Variants in EPHA7 observed in about 807,000 individuals in gnomAD.
EPHA7 encodes the protein EPH receptor A7, also known as ephrin type-A receptor 7.
Under a neutral mutation model 112.6 loss-of-function variants are expected in EPHA7, and 25 were observed. That is an observed-to-expected ratio of 0.22 (90% confidence interval 0.16 to 0.31). The LOEUF is 0.31. Ranked by LOEUF, EPHA7 falls within the 10% of genes least tolerant of loss-of-function variation. The probability of loss-of-function intolerance (pLI) is 1.00; values close to 1 mark genes in which losing one functional copy is unlikely to be tolerated. For synonymous variants in EPHA7, 437 were observed against 406.5 expected (o/e 1.07, Z -0.90); for missense variants, 962 against 1,212.6 (o/e 0.79, Z 3.07).
At chr6:93,264,529 G>A (rs1770836707) in intron 8 of EPHA7, 65 bp downstream of exon 8, 16 of 1,026,562 alleles carry the variant, frequency 1.6e-5, no homozygotes, top group Non-Finnish European at 2.2e-5. Flanking sequence ...CTAAGTAATA[G>A]GCTGACATAA....
chr6:93,259,379 A>G lies in EPHA7; in HGVS notation c.1899T>C (p.Ile633=), dbSNP rs767879014. ...QFAKELDASC[I]KIERVIGAGE... Reference sequence around the variant, plus strand: ...CTGCACCAATCACACGCTCAATTTTAATACAGGAGGCATCTAGCTCCTTGG... The same window carrying G: ...CTGCACCAATCACACGCTCAATTTTGATACAGGAGGCATCTAGCTCCTTGG... The change falls in exon 10 of 17, where the codon ATT becomes ATC. Residue 633 remains isoleucine (I), a synonymous_variant. Coordinates refer to ENST00000369303, the MANE Select transcript of EPHA7 (RefSeq NM_004440.4). 2.5e-6 allele frequency: 4 copies of G among 1,612,064 alleles called. No homozygotes were observed. Among genetic ancestry groups the G allele is most frequent in the Non-Finnish European group, 3.4e-6 (4 of 1,178,502 alleles).
At chr6:93,263,667 A>G (rs989535756) in intron 9 of EPHA7, among the ~76,000 whole-genome samples, 193 bp downstream of exon 9, 2 of 151,454 alleles carry the variant, frequency 1.3e-5, no homozygotes, top group Non-Finnish European at 3.0e-5. Context: ...ATTTCTGAAC[A>G]TATTTTATTT....
chr6:93,329,206 A>G (rs1000879751), intron 5 of EPHA7, among the ~76,000 whole-genome samples: 37 of 151,442 alleles, frequency 2.4e-4, no homozygotes, highest in African/African-American at 8.7e-4. Context: ...GTAATAATAT[A>G]AGTAATACAC....
chr6:93,392,827 A>G (rs1777978459), intron 3 of EPHA7, among the ~76,000 whole-genome samples: 1 of 151,872 alleles, frequency 6.6e-6, no homozygotes. Context: ...ATTTTGATAT[A>G]TTTTTCAGAC....
At position 93,243,449 on chromosome 6, in the gene EPHA7, G is replaced by A; in HGVS notation, c.2974C>T (p.His992Tyr). ...TATCACACTTGAATGCCAGTTCCAT[G>A]TAAATGTAGCATTTGTGCTCTCATA... The part of the protein sequence containing the change: ...QTMRAQMLHL[H>Y]GTGIQV The change falls in exon 17 of 17, where the codon CAT becomes TAT. Residue 992 changes from histidine to tyrosine, a missense_variant. Around this residue, in one of 3 missense-constraint regions of EPHA7, gnomAD observed 746 missense variants for 889.2 expected, o/e 0.84. Coordinates refer to ENST00000369303, the MANE Select transcript of EPHA7 (RefSeq NM_004440.4). 6.2e-7 allele frequency: 1 copy of A among 1,613,228 alleles called. No homozygotes were observed.
Position 93,415,523 on chromosome 6 carries a change from G to T in EPHA7, c.98-756C>A, listed in dbSNP as rs1779179679. On this transcript the variant is annotated intron_variant, in intron 1 of 16. Coordinates refer to ENST00000369303, the MANE Select transcript of EPHA7 (RefSeq NM_004440.4). ...AAAATGTATATAAAGTGTTATAAATGCTCCTGATACTATCAGTATGAGAAT... is the reference window on the plus strand; with the variant it reads ...AAAATGTATATAAAGTGTTATAAATTCTCCTGATACTATCAGTATGAGAAT... Among the ~76,000 whole-genome samples the T allele has an allele frequency of 2.6e-5, 4 of 151,896 alleles. No individual in the cohort carries two copies. In the South Asian group the frequency reaches 8.3e-4, roughly 31 times the overall value.
In EPHA7 at chr6:93,258,325, T is replaced by G. The variant is rs184211597; in HGVS notation, c.1925-41A>C. The G allele has an allele frequency of 1.8e-5, 27 of 1,497,386 alleles. No individual in the cohort carries two copies. In the African/African-American group the frequency reaches 3.0e-4, roughly 16 times the overall value. 92.8% of individuals were successfully genotyped at this position (1,497,386 alleles called of 1,614,324 possible). On this transcript the variant is annotated intron_variant, in intron 10 of 16. Coordinates refer to ENST00000369303, the MANE Select transcript of EPHA7 (RefSeq NM_004440.4). Reference sequence around the variant, plus strand: ...AAGCAGGCATATTTTAGTTTCTAAATATTGTAATTTTCTTTTAAGAGTAAA... The same window carrying G: ...AAGCAGGCATATTTTAGTTTCTAAAGATTGTAATTTTCTTTTAAGAGTAAA...
intron 3 of EPHA7, among the ~76,000 whole-genome samples, chr6:93,397,737 T>G (rs776127745): frequency 2.6e-5 from 4 of 151,960 alleles, no homozygotes; most frequent in African/African-American, 9.7e-5. Flanking sequence ...ATGAATATAA[T>G]GTACATTGTT....
intron 5 of EPHA7, among the ~76,000 whole-genome samples, chr6:93,283,257 T>C (rs949232482): frequency 2.4e-4 from 36 of 152,204 alleles, no homozygotes; most frequent in Admixed American, 2.0e-3. Flanking sequence ...TGGAGAACTT[T>C]TGTGTCTAGC....
At chr6:93,262,208 T>G (rs1348418220) in intron 9 of EPHA7, among the ~76,000 whole-genome samples, 1 of 151,438 alleles carries the variant, frequency 6.6e-6, no homozygotes, top group Non-Finnish European at 1.5e-5. Flanking sequence ...GTTAAAAATA[T>G]TCTCACATGT....
At chr6:93,412,699 T>C (rs532780326) in intron 2 of EPHA7, among the ~76,000 whole-genome samples, 8 of 152,196 alleles carry the variant, frequency 5.3e-5, no homozygotes, top group African/African-American at 9.6e-5. Flanking sequence ...TTCAGTCTCT[T>C]AATTAGATTG....
chr6:93,314,898 T>C (rs1773722029), intron 5 of EPHA7, among the ~76,000 whole-genome samples: 1 of 140,966 alleles, frequency 7.1e-6, no homozygotes, highest in Non-Finnish European at 1.5e-5. Flanking sequence ...AGTCTCGCTC[T>C]GTCGCCCAGG....
intron 3 of EPHA7, among the ~76,000 whole-genome samples, chr6:93,376,919 C>A (rs189814965): frequency 6.6e-6 from 1 of 152,284 alleles, no homozygotes; most frequent in East Asian, 1.9e-4. Context: ...GTTCCGCATT[C>A]CTGGAAGTAT....
At chr6:93,320,421 A>C (rs1774011113) in intron 5 of EPHA7, among the ~76,000 whole-genome samples, 1 of 152,088 alleles carries the variant, frequency 6.6e-6, no homozygotes, top group Non-Finnish European at 1.5e-5. Flanking sequence ...ATGATAGGCA[A>C]AGTGATTAGA....
intron 5 of EPHA7, among the ~76,000 whole-genome samples, chr6:93,295,780 C>G (rs920402605): frequency 1.3e-5 from 2 of 151,574 alleles, no homozygotes; most frequent in African/African-American, 2.4e-5. Context: ...ATATATATTT[C>G]CATTGTTTGA....
chr6:93,380,901 T>C (rs1777303902), intron 3 of EPHA7, among the ~76,000 whole-genome samples: 1 of 152,182 alleles, frequency 6.6e-6, no homozygotes, highest in Non-Finnish European at 1.5e-5. Flanking sequence ...CAAGTACCTC[T>C]GCATCACTCA....
At chr6:93,345,792 G>A (rs1454451127) in intron 5 of EPHA7, among the ~76,000 whole-genome samples, 3 of 151,674 alleles carry the variant, frequency 2.0e-5, no homozygotes, top group Non-Finnish European at 1.5e-5. Flanking sequence ...AATGATTCTT[G>A]TGGATCAATG....
intron 3 of EPHA7, among the ~76,000 whole-genome samples, chr6:93,368,198 T>G (rs367670089): frequency 6.6e-6 from 1 of 152,158 alleles, no homozygotes; most frequent in Non-Finnish European, 1.5e-5. Flanking sequence ...TGATATTTAA[T>G]AGTAAATTAC....
chr6:93,343,822 A>G (rs1378262559), intron 5 of EPHA7, among the ~76,000 whole-genome samples: 2 of 151,678 alleles, frequency 1.3e-5, no homozygotes, highest in Non-Finnish European at 1.5e-5. Flanking sequence ...TTGTATTTTC[A>G]AACATAACAC....
Sources: allele counts gnomAD v4.1 joint callset (sites outside exome capture counted in the v4.1 genomes callset), GRCh38; gene constraint gnomAD v4.1.1; regional missense constraint gnomAD v4.1.1; transcripts MANE v1.5; gene names NCBI Gene and HGNC (gene_info 2026-07-23, HGNC 2026-07-21).